SEC62: variants seen among roughly 807,000 people sequenced by gnomAD.
SEC62 encodes SEC62 preprotein translocation factor, also known as translocation protein SEC62.
In SEC62, 10 loss-of-function variants were observed where a neutral mutation model predicts 47.5. The observed-to-expected ratio is 0.21, with a 90% CI of 0.13 to 0.36. The LOEUF is 0.36. Among genes scored for constraint, SEC62 ranks in the 10% least tolerant of loss-of-function variants. The probability of loss-of-function intolerance (pLI) is 1.00; values close to 1 mark genes in which losing one functional copy is unlikely to be tolerated. For missense variants in SEC62, 327 were observed against 464.1 expected, an observed-to-expected ratio of 0.70 and a Z score of 2.71; for synonymous variants, 136 against 150.5, an observed-to-expected ratio of 0.90 and a Z score of 0.71.
rs181990142 is a variant in SEC62, at chr3:169,987,284, T to C, written c.611-956T>C. Among the ~76,000 whole-genome samples the C allele has an allele frequency of 1.4e-3, 216 of 152,220 alleles. 1 individual carries two copies. The highest frequency in any genetic ancestry group is 5.1e-3 in the African/African-American group (211 of 41,536). ...TCTACAAAAAATTAGCCGGGTGTGG[T>C]GGTTCACACCTGTAGTCCCAACTAC... is the stretch of plus-strand genomic sequence containing the variant. On this transcript the variant is annotated intron_variant, in intron 6 of 7. Transcript: ENST00000337002.
rs937710061 is a variant in SEC62 at position 169,995,368 on chromosome 3, A to G, written c.*2305A>G. 5.9e-5 allele frequency: 9 copies of G among 152,210 alleles called. No homozygotes were observed. Among genetic ancestry groups the G allele is most frequent in the African/African-American group, 1.4e-4 (6 of 41,460 alleles). The allele number at this position is 152,210 out of a possible 1,614,324, so 9.4% of individuals were successfully genotyped here. On this transcript the variant is annotated 3_prime_UTR_variant, in exon 8 of 8. Coordinates refer to ENST00000337002, the MANE Select transcript of SEC62 (RefSeq NM_003262.4). ...GCATATGTGATTGTTCTTAAAGTCA[A>G]TGTATTAAATAAGGTATTTTTCCTT...
rs1038823330 is a variant in SEC62 at position 169,994,121 on chromosome 3, G to C, written c.*1058G>C. The stretch of plus-strand genomic sequence containing the variant: ...CAGACCAGGAGGCATTGCTGTGAAA[G>C]ATAATTTCCTATTCTAAAATATCAA... On this transcript the variant is annotated 3_prime_UTR_variant, in exon 8 of 8. Coordinates refer to ENST00000337002, the MANE Select transcript of SEC62 (RefSeq NM_003262.4). 6.6e-6 allele frequency: 1 copy of C among 152,510 alleles called. No individual in the cohort carries two copies. Among genetic ancestry groups the C allele is most frequent in the Non-Finnish European group, 1.5e-5 (1 of 68,018 alleles). The allele number at this position is 152,510 out of a possible 1,614,324, so 9.4% of individuals were successfully genotyped here. A position where few individuals can be genotyped will look rare whatever the true frequency, so the allele number is the denominator to read the frequency against.
At chr3:169,988,609 T>C (rs1191473451) in intron 7 of SEC62, among the ~76,000 whole-genome samples, 1 of 152,204 alleles carries the variant, frequency 6.6e-6, no homozygotes, top group Non-Finnish European at 1.5e-5. Context: ...CATAATTGTA[T>C]ACATTTATGG....
intron 1 of SEC62, among the ~76,000 whole-genome samples, chr3:169,974,582 G>A (rs1714781582): frequency 6.6e-6 from 1 of 152,166 alleles, no homozygotes; most frequent in Non-Finnish European, 1.5e-5. Context: ...GGATTAAAAC[G>A]GCCTTTCCAA....
At position 169,992,242 on chromosome 3, in the gene SEC62, A is replaced by AT. The variant is rs532600546; in HGVS notation, c.731-345dup. Among the ~76,000 whole-genome samples, 24 of 152,296 alleles carry AT rather than the reference A, an allele frequency of 1.6e-4. No homozygotes were observed. Among genetic ancestry groups the AT allele is most frequent in the Admixed American group, 9.8e-4 (15 of 15,298 alleles). Reference sequence around the variant, plus strand: ...TACACCCAGATGGAAAAAAGAAGTAATTTTTTTCAGTGACATTATTGCATT... The same window carrying AT: ...TACACCCAGATGGAAAAAAGAAGTAATTTTTTTTCAGTGACATTATTGCATT... On this transcript the variant is annotated intron_variant, in intron 7 of 7. Coordinates refer to ENST00000337002, the MANE Select transcript of SEC62 (RefSeq NM_003262.4). This position sits in a 1 kb window ranked among gnomAD's most constrained non-coding sequence, Gnocchi z 4.0.
chr3:169,992,931 T>A lies in SEC62; in HGVS notation c.1068T>A (p.Ser356Arg). 1 of 1,613,572 alleles carries A rather than the reference T, an allele frequency of 6.2e-7. No homozygotes were observed. The highest frequency in any genetic ancestry group is 8.5e-7 in the Non-Finnish European group (1 of 1,179,918). The change falls in exon 8 of 8, where the codon AGT (serine) becomes AGA (arginine). Residue 356 changes from serine (S) to arginine (R), a missense_variant. Around this residue, in one of 3 missense-constraint regions of SEC62, gnomAD observed 102 missense variants for 108.8 expected, o/e 0.94. Coordinates refer to ENST00000337002, the MANE Select transcript of SEC62 (RefSeq NM_003262.4). This position sits in a 1 kb window ranked among gnomAD's most constrained non-coding sequence, Gnocchi z 4.0. ...DRREDDRSQH[S>R]SGNGNDFEMI... ...GGGAAGATGATCGATCCCAGCACAG[T>A]AGTGGAAATGGAAATGATTTTGAAA...
rs1270875831 is a variant in SEC62 at position 169,993,918 on chromosome 3, A to G, written c.*855A>G. 6.5e-6 allele frequency: 1 copy of G among 152,678 alleles called. No individual in the cohort carries two copies. Among genetic ancestry groups the G allele is most frequent in the Non-Finnish European group, 1.5e-5 (1 of 68,042 alleles). The allele number at this position is 152,678 out of a possible 1,614,324, so 9.5% of individuals were successfully genotyped here. ...TTTTTAGAGAAATGGAAGTTTGAGTAACCCACAGAACATCTGTGATCTTTC... is the reference window on the plus strand; with the variant it reads ...TTTTTAGAGAAATGGAAGTTTGAGTGACCCACAGAACATCTGTGATCTTTC... On this transcript the variant is annotated 3_prime_UTR_variant, in exon 8 of 8. Coordinates refer to ENST00000337002, the MANE Select transcript of SEC62 (RefSeq NM_003262.4).
At chr3:169,987,281 T>C (rs1400928483) in intron 6 of SEC62, among the ~76,000 whole-genome samples, 1 of 152,050 alleles carries the variant, frequency 6.6e-6, no homozygotes, top group East Asian at 1.9e-4. Flanking sequence ...TAGCCGGGTG[T>C]GGTGGTTCAC....
Position 169,994,591 on chromosome 3 carries a change from GT to G in SEC62, c.*1531del, listed in dbSNP as rs1201580750. 1 of 152,240 alleles carries G rather than the reference GT, an allele frequency of 6.6e-6. No homozygotes were observed. Among genetic ancestry groups the G allele is most frequent in the Non-Finnish European group, 1.5e-5 (1 of 68,008 alleles). The allele number at this position is 152,240 out of a possible 1,614,324, so 9.4% of individuals were successfully genotyped here. On this transcript the variant is annotated 3_prime_UTR_variant, in exon 8 of 8. Transcript: ENST00000337002. ...TGTCAAGGCTGCAATCACTTTAATA[GT>G]TTCTTTTTAGCAAATAAATGTTCAT...
intron 5 of SEC62, among the ~76,000 whole-genome samples, chr3:169,984,618 A>C (rs1283161295): frequency 6.6e-6 from 1 of 152,232 alleles, no homozygotes; most frequent in African/African-American, 2.4e-5. Context: ...CATGCACTCC[A>C]TAACTTTTAA....
chr3:169,989,187 G>A (rs1715177859), intron 7 of SEC62, among the ~76,000 whole-genome samples: 1 of 149,448 alleles, frequency 6.7e-6, no homozygotes, highest in Non-Finnish European at 1.5e-5. Flanking sequence ...TTGAATTCCT[G>A]GGCTTAAGCA....
Position 169,983,145 on chromosome 3 carries a change from A to C in SEC62, c.457-16A>C. 6.3e-7 allele frequency: 1 copy of C among 1,586,754 alleles called. No homozygotes were observed. Among genetic ancestry groups the C allele is most frequent in the Non-Finnish European group, 8.6e-7 (1 of 1,158,948 alleles). ...TTACTTGTGTTATTTCTTCTGTCCA[A>C]CTTGTGTTTTCATAGGAGGAAACTC... On this transcript the variant is annotated splice_polypyrimidine_tract_variant and intron_variant, in intron 4 of 7. Coordinates refer to ENST00000337002, the MANE Select transcript of SEC62 (RefSeq NM_003262.4).
chr3:169,973,103 T>C (rs1714741351), intron 1 of SEC62, among the ~76,000 whole-genome samples: 1 of 152,222 alleles, frequency 6.6e-6, no homozygotes, highest in South Asian at 2.1e-4. Flanking sequence ...TTCAGATGTA[T>C]GGATATATAG....
At chr3:169,982,539 T>G in intron 3 of SEC62, 168 bp from the exon 4 acceptor site, 1 of 719,874 alleles carries the variant, frequency 1.4e-6, no homozygotes, top group Non-Finnish European at 2.5e-6. Context: ...GTAAAGTGTT[T>G]TGATTTAGTG....
At chr3:169,973,805 C>G (rs1305596081) in intron 1 of SEC62, among the ~76,000 whole-genome samples, 1 of 152,146 alleles carries the variant, frequency 6.6e-6, no homozygotes, top group Non-Finnish European at 1.5e-5. Context: ...AAATAGCCCA[C>G]AGCTGGTAGT....
intron 1 of SEC62, among the ~76,000 whole-genome samples, chr3:169,973,578 G>T (rs762558637): frequency 6.6e-6 from 1 of 151,428 alleles, no homozygotes; most frequent in Admixed American, 6.6e-5. Flanking sequence ...CATGAGAATC[G>T]CTGGAACTCA....
chr3:169,970,539 A>C (rs997694454), intron 1 of SEC62, among the ~76,000 whole-genome samples: 1 of 152,198 alleles, frequency 6.6e-6, no homozygotes, highest in Non-Finnish European at 1.5e-5. Context: ...ACTCTATCTT[A>C]TTATAGTATT....
intron 1 of SEC62, among the ~76,000 whole-genome samples, chr3:169,971,771 G>T (rs1714704755): frequency 6.6e-6 from 1 of 152,118 alleles, no homozygotes; most frequent in Non-Finnish European, 1.5e-5. Context: ...GGTTTTACAT[G>T]TGATGCCTCT....
At chr3:169,977,859 T>A (rs953664598) in intron 3 of SEC62, among the ~76,000 whole-genome samples, 3 of 152,248 alleles carry the variant, frequency 2.0e-5, no homozygotes, top group African/African-American at 7.2e-5. Context: ...ATCAGCCACA[T>A]AAGAACCCTC....
Sources: allele counts gnomAD v4.1 joint callset (sites outside exome capture counted in the v4.1 genomes callset), GRCh38; gene constraint gnomAD v4.1.1; regional missense constraint gnomAD v4.1.1; non-coding constraint Gnocchi (gnomAD v3.1); transcripts MANE v1.5; gene names NCBI Gene and HGNC (gene_info 2026-07-23, HGNC 2026-07-21).